The following ZBTB38 variants were observed in gnomAD, a reference collection of about 807,000 sequenced individuals.
ZBTB38 encodes the protein zinc finger and BTB domain-containing protein 38.
Under a neutral mutation model 76.8 loss-of-function variants are expected in ZBTB38, and 20 were observed. The ratio of observed to expected loss-of-function variants is 0.26; its 90% CI spans 0.18 to 0.38. The LOEUF (loss-of-function observed/expected upper bound fraction) is 0.38. Among genes scored for constraint, ZBTB38 ranks in the 10% least tolerant of loss-of-function variants. The probability of loss-of-function intolerance (pLI) is 1.00; values close to 1 mark genes in which losing one functional copy is unlikely to be tolerated. For missense variants in ZBTB38, 1,082 were observed against 1,482.3 expected (o/e 0.73, Z 4.43); for synonymous variants, 504 against 544.2 (o/e 0.93, Z 1.03).
chr3:141,331,605 G>GTGTT (rs2148882035), intron 1 of ZBTB38, among the ~76,000 whole-genome samples: 1 of 152,226 alleles, frequency 6.6e-6, no homozygotes, highest in East Asian at 1.9e-4. Flanking sequence ...TTTTGTGTAG[G>GTGTT]TGTTTGTGTT....
intron 5 of ZBTB38, among the ~76,000 whole-genome samples, chr3:141,435,374 T>A (rs1343643598): frequency 2.0e-5 from 3 of 152,208 alleles, no homozygotes; most frequent in Admixed American, 2.0e-4. Flanking sequence ...TAAAATGTAT[T>A]TAAGTATAAT....
rs566955649 is a variant in ZBTB38, at chr3:141,408,363, G to A, written c.-1+4332G>A. ...GGAGTTCGGGACCAGCCTGGCCAACGTGGCAAAACCCCATCTCTACTGAAA... is the reference window on the plus strand; with the variant it reads ...GGAGTTCGGGACCAGCCTGGCCAACATGGCAAAACCCCATCTCTACTGAAA... On this transcript the variant is annotated intron_variant, in intron 5 of 5. Coordinates refer to ENST00000321464, the MANE Select transcript of ZBTB38 (RefSeq NM_001376113.1). Among the ~76,000 whole-genome samples the A allele has an allele frequency of 9.9e-5, 15 of 152,208 alleles. No individual in the cohort carries two copies. The East Asian group carries it at 1.9e-3, about 20-fold the overall frequency.
chr3:141,434,191 C>A (rs1156406969), intron 5 of ZBTB38: 1 of 985,170 alleles, frequency 1.0e-6, no homozygotes, highest in Non-Finnish European at 1.2e-6. Flanking sequence ...TCCAGAGGAA[C>A]AAGGCTATGC....
At chr3:141,431,628 C>T (rs942484823) in intron 5 of ZBTB38, 1 of 152,046 alleles carries the variant, frequency 6.6e-6, no homozygotes, top group Non-Finnish European at 1.5e-5. Context: ...CCCATTGCAT[C>T]ATTCATGAAT....
rs1172745266 is a variant in ZBTB38 at position 141,447,644 on chromosome 3, C to G, written c.*1668C>G. On this transcript the variant is annotated 3_prime_UTR_variant, in exon 6 of 6. Coordinates refer to ENST00000321464, the MANE Select transcript of ZBTB38 (RefSeq NM_001376113.1). ...TTCATTGGATTTGACAGATGGAAAC[C>G]CAAGGTTATCGAAGATTGGAAGGTT... 2 of 152,202 alleles carry G rather than the reference C, an allele frequency of 1.3e-5. No individual in the cohort carries two copies. The highest frequency in any genetic ancestry group is 1.9e-4 in the East Asian group (1 of 5,190). The allele number at this position is 152,202 out of a possible 1,614,324, so 9.4% of individuals were successfully genotyped here.
At chr3:141,410,625 C>T (rs550423997) in intron 5 of ZBTB38, among the ~76,000 whole-genome samples, 12 of 152,300 alleles carry the variant, frequency 7.9e-5, no homozygotes, top group African/African-American at 2.9e-4. Context: ...AGCAGACACA[C>T]GCAGTAGGAC....
chr3:141,329,239 A>G (rs2148875572), intron 1 of ZBTB38, among the ~76,000 whole-genome samples: 1 of 152,318 alleles, frequency 6.6e-6, no homozygotes, highest in East Asian at 1.9e-4. Context: ...GCTCAAAAAT[A>G]TAGATGAGTA....
At chr3:141,435,004 A>G (rs2150672666) in intron 5 of ZBTB38, among the ~76,000 whole-genome samples, 1 of 152,048 alleles carries the variant, frequency 6.6e-6, no homozygotes, top group Admixed American at 6.6e-5. Context: ...ATGGTGGCAC[A>G]TGTCTGTTGT....
chr3:141,429,894 A>G (rs2077116734), intron 5 of ZBTB38, among the ~76,000 whole-genome samples: 1 of 152,170 alleles, frequency 6.6e-6, no homozygotes, highest in Non-Finnish European at 1.5e-5. Flanking sequence ...AGGCAGCGCA[A>G]GGAGTGCAGT....
At chr3:141,381,850 C>T (rs1365379005) in intron 3 of ZBTB38, among the ~76,000 whole-genome samples, 1 of 152,134 alleles carries the variant, frequency 6.6e-6, no homozygotes. Flanking sequence ...GAATCACAAA[C>T]TTTTAGAACT....
chr3:141,407,219 G>A (rs1236732987), intron 5 of ZBTB38, among the ~76,000 whole-genome samples: 1 of 152,184 alleles, frequency 6.6e-6, no homozygotes, highest in Non-Finnish European at 1.5e-5. Context: ...TATGACATGT[G>A]CGTGTCTGCG....
intron 1 of ZBTB38, among the ~76,000 whole-genome samples, chr3:141,356,374 C>T (rs1476268232): frequency 1.3e-5 from 2 of 151,986 alleles, no homozygotes; most frequent in Non-Finnish European, 2.9e-5. Context: ...TGGGGCTACA[C>T]TTCAAGGGAC....
chr3:141,335,519 A>G (rs1442496821), intron 1 of ZBTB38, among the ~76,000 whole-genome samples: 1 of 152,246 alleles, frequency 6.6e-6, no homozygotes, highest in Non-Finnish European at 1.5e-5. Flanking sequence ...CCAGCCCTGG[A>G]GCACAGATAA....
chr3:141,403,709 G>A (rs913801753), intron 4 of ZBTB38, among the ~76,000 whole-genome samples: 2 of 152,180 alleles, frequency 1.3e-5, no homozygotes, highest in African/African-American at 4.8e-5. Context: ...AACAGGTTCC[G>A]TGGTCCATTA....
rs1277243113 is a variant in ZBTB38, at chr3:141,448,381, T to C, written c.*2405T>C. 6.6e-6 allele frequency: 1 copy of C among 152,670 alleles called. No homozygotes were observed. Among genetic ancestry groups the C allele is most frequent in the Non-Finnish European group, 1.5e-5 (1 of 68,018 alleles). 9.5% of individuals were successfully genotyped at this position (152,670 alleles called of 1,614,324 possible). A position where few individuals can be genotyped will look rare whatever the true frequency, so the allele number is the denominator to read the frequency against. Reference sequence around the variant, plus strand: ...ATTTTGATAAAAAAATACTTGACTTTGTAATTCTGTATATTCTATACAATT... The same window carrying C: ...ATTTTGATAAAAAAATACTTGACTTCGTAATTCTGTATATTCTATACAATT... On this transcript the variant is annotated 3_prime_UTR_variant, in exon 6 of 6. Transcript: ENST00000321464.
chr3:141,369,417 T>C (rs1407537428), intron 1 of ZBTB38, among the ~76,000 whole-genome samples: 1 of 152,244 alleles, frequency 6.6e-6, no homozygotes, highest in African/African-American at 2.4e-5. Flanking sequence ...TGGGATGATA[T>C]TAAGCACAAA....
At chr3:141,348,092 G>A (rs1392174030) in intron 1 of ZBTB38, among the ~76,000 whole-genome samples, 2 of 152,156 alleles carry the variant, frequency 1.3e-5, no homozygotes, top group East Asian at 3.8e-4. Context: ...TGTTTGAAGG[G>A]TAGTTCTTAA....
chr3:141,365,088 G>C (rs1424900419), upstream of ZBTB38, among the ~76,000 whole-genome samples: 1 of 152,032 alleles, frequency 6.6e-6, no homozygotes, highest in Non-Finnish European at 1.5e-5. Flanking sequence ...ACTTGCACAT[G>C]AATGTTCATA....
chr3:141,434,196 C>A (rs1387479145), intron 5 of ZBTB38: 1 of 985,172 alleles, frequency 1.0e-6, no homozygotes, highest in East Asian at 1.1e-4. Context: ...AGGAACAAGG[C>A]TATGCAGATA....
Sources: allele counts gnomAD v4.1 joint callset (sites outside exome capture counted in the v4.1 genomes callset), GRCh38; gene constraint gnomAD v4.1.1; transcripts MANE v1.5; gene names NCBI Gene and HGNC (gene_info 2026-07-23, HGNC 2026-07-21).